SGTB: variants seen among roughly 807,000 people sequenced by gnomAD.
SGTB encodes small glutamine rich tetratricopeptide repeat co-chaperone beta, also known as small glutamine-rich tetratricopeptide repeat-containing protein beta.
SGTB carries 19 observed loss-of-function variants against 43.9 expected under a neutral mutation model. The ratio of observed to expected loss-of-function variants is 0.43; its 90% CI spans 0.30 to 0.63. SGTB has a LOEUF of 0.63. SGTB is among the 30% of genes least tolerant of loss of function. The pLI, the probability that SGTB is intolerant of heterozygous loss-of-function variation, is 0.12. For missense variants in SGTB, 304 were observed against 358.9 expected, an observed-to-expected ratio of 0.85 and a Z score of 1.24; for synonymous variants, 116 against 117.3, an observed-to-expected ratio of 0.99 and a Z score of 0.07.
At chr5:65,679,229 CAT>C (rs779710139) in intron 8 of SGTB, among the ~76,000 whole-genome samples, 62 of 152,284 alleles carry the variant, frequency 4.1e-4, no homozygotes, top group African/African-American at 1.3e-3. Context: ...GGCCAACAAA[CAT>C]ATGAAAAAAC....
At chr5:65,671,488 T>G (rs1015743833) in intron 10 of SGTB, among the ~76,000 whole-genome samples, 1 of 152,186 alleles carries the variant, frequency 6.6e-6, no homozygotes, top group African/African-American at 2.4e-5. Flanking sequence ...AACCTGTACC[T>G]CAGTTTCTCT....
At chr5:65,716,297 G>A (rs1237567706) in intron 2 of SGTB, among the ~76,000 whole-genome samples, 1 of 152,200 alleles carries the variant, frequency 6.6e-6, no homozygotes, top group Non-Finnish European at 1.5e-5. Context: ...TGAACAATAT[G>A]TCACAGAAGT....
At position 65,667,131 on chromosome 5, in the gene SGTB, G is replaced by A. The variant is rs1757053575; in HGVS notation, c.*3115C>T. 1 of 152,140 alleles carries A rather than the reference G, an allele frequency of 6.6e-6. No individual in the cohort carries two copies. The highest frequency in any genetic ancestry group is 2.4e-5 in the African/African-American group (1 of 41,440). The allele number at this position is 152,140 out of a possible 1,614,324, so 9.4% of individuals were successfully genotyped here. Reference sequence around the variant, plus strand: ...TGTTTAGGTTATCTGTTTCTACAGTGAGCTTTCTAGTTTGTATCCTATAGG... The same window carrying A: ...TGTTTAGGTTATCTGTTTCTACAGTAAGCTTTCTAGTTTGTATCCTATAGG... On this transcript the variant is annotated 3_prime_UTR_variant, in exon 11 of 11. Transcript: ENST00000381007.
intron 8 of SGTB, among the ~76,000 whole-genome samples, chr5:65,674,434 G>C (rs956374338): frequency 1.3e-5 from 2 of 152,154 alleles, no homozygotes; most frequent in African/African-American, 4.8e-5. Context: ...ACTCTCATCA[G>C]TACAGTAACT....
intron 5 of SGTB, among the ~76,000 whole-genome samples, chr5:65,686,145 A>G (rs1757493858): frequency 6.6e-6 from 1 of 152,222 alleles, no homozygotes; most frequent in Non-Finnish European, 1.5e-5. Context: ...TCTAAGACAG[A>G]TGCTCAGAAG....
intron 4 of SGTB, 123 bp downstream of exon 4, chr5:65,708,366 T>C: frequency 1.4e-6 from 1 of 736,868 alleles, no homozygotes; most frequent in Non-Finnish European, 2.1e-6. Context: ...TGTTTCGTAA[T>C]TGCCATGTGC....
intron 5 of SGTB, among the ~76,000 whole-genome samples, chr5:65,691,567 A>G (rs1757609692): frequency 6.6e-6 from 1 of 151,654 alleles, no homozygotes; most frequent in African/African-American, 2.4e-5. Context: ...ACCTCAAGTG[A>G]TCCACTGGCC....
intron 7 of SGTB, 31 bp from the exon 8 acceptor site, chr5:65,680,587 C>A: frequency 6.2e-7 from 1 of 1,613,938 alleles, no homozygotes; most frequent in South Asian, 1.1e-5. Flanking sequence ...AGAATCAGTC[C>A]AGTATCTACA....
chr5:65,722,508 C>G, upstream of SGTB: 7 of 1,182,922 alleles, frequency 5.9e-6, no homozygotes, highest in East Asian at 2.9e-5. Context: ...TTCCCGACCG[C>G]GCCTCTCCGA....
chr5:65,690,849 TA>T (rs1477761487), intron 5 of SGTB, among the ~76,000 whole-genome samples: 6 of 152,134 alleles, frequency 3.9e-5, no homozygotes, highest in African/African-American at 1.4e-4. Flanking sequence ...TCAAACTGAA[TA>T]AAACAAACAA....
chr5:65,692,130 G>C (rs998855763), intron 5 of SGTB, among the ~76,000 whole-genome samples: 1 of 152,020 alleles, frequency 6.6e-6, no homozygotes, highest in African/African-American at 2.4e-5. Context: ...CAGTGAGGAA[G>C]AGGGAGAAAG....
intron 8 of SGTB, among the ~76,000 whole-genome samples, chr5:65,678,885 T>C (rs1311434136): frequency 1.3e-5 from 2 of 152,096 alleles, no homozygotes; most frequent in African/African-American, 4.8e-5. Flanking sequence ...CTCAAAACTA[T>C]AAGAACTCTA....
Position 65,668,609 on chromosome 5 carries a change from C to G in SGTB, c.*1637G>C, listed in dbSNP as rs1187856548. 2 of 152,088 alleles carry G rather than the reference C, an allele frequency of 1.3e-5. No individual in the cohort carries two copies. The highest frequency in any genetic ancestry group is 4.2e-4 in the South Asian group (2 of 4,814). 9.4% of individuals were successfully genotyped at this position (152,088 alleles called of 1,614,324 possible). A position where few individuals can be genotyped will look rare whatever the true frequency, so the allele number is the denominator to read the frequency against. On this transcript the variant is annotated 3_prime_UTR_variant, in exon 11 of 11. Coordinates refer to ENST00000381007, the MANE Select transcript of SGTB (RefSeq NM_019072.3). Reference sequence around the variant, plus strand: ...TACAAAAATTAGCTGGGCATGGTGACACGTGCCTGTAATCCCAGCTACTCA... The same window carrying G: ...TACAAAAATTAGCTGGGCATGGTGAGACGTGCCTGTAATCCCAGCTACTCA...
intron 10 of SGTB, 129 bp from the exon 11 acceptor site, chr5:65,670,486 A>G (rs1438218192): frequency 7.6e-6 from 5 of 658,566 alleles, no homozygotes; most frequent in Admixed American, 2.8e-5. Context: ...TTTCAGAGCC[A>G]TGACTTTAGA....
chr5:65,672,187 G>C, intron 9 of SGTB, 57 bp downstream of exon 9: 3 of 1,608,358 alleles, frequency 1.9e-6, no homozygotes, highest in Non-Finnish European at 2.5e-6. Context: ...GCTCAAATTA[G>C]GAGCCTGGCA....
chr5:65,703,910 C>T (rs1030706284), intron 5 of SGTB, among the ~76,000 whole-genome samples: 19 of 150,236 alleles, frequency 1.3e-4, no homozygotes, highest in Non-Finnish European at 2.7e-4. Flanking sequence ...TGGTGACAGG[C>T]GCCTGTAGTC....
chr5:65,693,272 C>G (rs1269076028), intron 5 of SGTB, among the ~76,000 whole-genome samples: 3 of 122,942 alleles, frequency 2.4e-5, no homozygotes, highest in Non-Finnish European at 3.3e-5. Context: ...AAGGAAGGAA[C>G]GAAGGAGAGA....
intron 5 of SGTB, among the ~76,000 whole-genome samples, chr5:65,696,406 C>T (rs1471233774): frequency 1.3e-5 from 2 of 152,298 alleles, no homozygotes; most frequent in Non-Finnish European, 2.9e-5. Flanking sequence ...CAGAAGACAT[C>T]CAAAACTGTT....
intron 5 of SGTB, among the ~76,000 whole-genome samples, chr5:65,700,341 G>T (rs935115340): frequency 1.3e-5 from 2 of 152,142 alleles, no homozygotes; most frequent in Non-Finnish European, 2.9e-5. Context: ...AGTGAACATG[G>T]TAGCAAATTT....
Sources: allele counts gnomAD v4.1 joint callset (sites outside exome capture counted in the v4.1 genomes callset), GRCh38; gene constraint gnomAD v4.1.1; transcripts MANE v1.5; gene names NCBI Gene and HGNC (gene_info 2026-07-23, HGNC 2026-07-21).